The following ESCO2 variants were observed in gnomAD, a reference collection of about 807,000 sequenced individuals.
ESCO2 encodes the protein N-acetyltransferase ESCO2.
ESCO2 carries 51 observed loss-of-function variants against 61.7 expected under a neutral mutation model. That is an observed-to-expected ratio of 0.83 (90% CI 0.66 to 1.04). The LOEUF (loss-of-function observed/expected upper bound fraction) is 1.04. ESCO2 is among the 50% of genes least tolerant of loss of function. ESCO2 has a pLI of 0.00. For synonymous variants in ESCO2, 230 were observed against 238.2 expected (o/e 0.97, Z 0.32); for missense variants, 692 against 686.2 (o/e 1.01, Z -0.09).
At chr8:27,816,901 C>A (rs574174341), downstream of ESCO2, among the ~76,000 whole-genome samples, 1 of 152,062 alleles carries the variant, frequency 6.6e-6, no homozygotes, top group African/African-American at 2.4e-5. Context: ...TAAACCACCC[C>A]TTATTGGTGG....
chr8:27,784,287 A>G (rs980588676), intron 5 of ESCO2, among the ~76,000 whole-genome samples: 4 of 152,212 alleles, frequency 2.6e-5, no homozygotes, highest in Non-Finnish European at 5.9e-5. Flanking sequence ...GAGTAATAAT[A>G]ATTGCTAACA....
At chr8:27,777,224 A>G (rs1804815407) in intron 3 of ESCO2, 55 bp downstream of exon 3, 1 of 1,501,154 alleles carries the variant, frequency 6.7e-7, no homozygotes, top group East Asian at 2.4e-5. Flanking sequence ...TTCAGTATAA[A>G]TGACATAGTT....
At chr8:27,817,357 G>A (rs114697968), downstream of ESCO2, among the ~76,000 whole-genome samples, 720 of 152,004 alleles carry the variant, frequency 4.7e-3, 7 homozygotes, top group African/African-American at 0.017. Context: ...GTCTTGCTCC[G>A]GCTCAGAAAT....
intron 9 of ESCO2, 35 bp from the exon 10 acceptor site, chr8:27,799,506 G>T (rs1805375849): frequency 6.2e-7 from 1 of 1,610,784 alleles, no homozygotes; most frequent in African/African-American, 1.3e-5. Context: ...CTCATCTGTG[G>T]TGTTAGCTAT....
chr8:27,780,229 CT>C lies in ESCO2; in HGVS notation c.922del (p.Ser308LeufsTer33). 1 of 1,611,730 alleles carries C rather than the reference CT, an allele frequency of 6.2e-7. No individual in the cohort carries two copies. The highest frequency in any genetic ancestry group is 8.5e-7 in the Non-Finnish European group (1 of 1,178,538). Reference sequence around the variant, plus strand: ...GAACATAAAGTTGATAAAAATGAGGCTTTTTCTTCAGAGGATTCTCTTGGTG... The same window carrying C: ...GAACATAAAGTTGATAAAAATGAGGCTTTTCTTCAGAGGATTCTCTTGGTG... ...SKEHKVDKNEAFSSEDSLGEN... is the reference protein window; with the variant it reads ...SKEHKVDKNEXFSSEDSLGEN... On this transcript the variant is annotated frameshift_variant, in exon 4 of 11. Coordinates refer to ENST00000305188, the MANE Select transcript of ESCO2 (RefSeq NM_001017420.3). LOFTEE classifies it high-confidence loss of function.
intron 5 of ESCO2, among the ~76,000 whole-genome samples, chr8:27,787,206 A>G (rs141813853): frequency 5.7e-4 from 87 of 152,306 alleles, no homozygotes; most frequent in Admixed American, 1.8e-3. Context: ...ACCAAAACAT[A>G]TCTGCTAGCT....
chr8:27,792,105 A>G, intron 8 of ESCO2, 53 bp downstream of exon 8: 6 of 1,583,396 alleles, frequency 3.8e-6, no homozygotes, highest in Non-Finnish European at 5.2e-6. Flanking sequence ...CAAGAAATCA[A>G]CCTATGTTGA....
intron 10 of ESCO2, among the ~76,000 whole-genome samples, 156 bp from the exon 11 acceptor site, chr8:27,803,150 T>C (rs750969661): frequency 5.3e-5 from 8 of 152,202 alleles, no homozygotes; most frequent in East Asian, 1.9e-4. Context: ...ATCTGTGAAA[T>C]GATATCATTA....
At position 27,788,890 on chromosome 8, in the gene ESCO2, G is replaced by A. The variant is rs146312522; in HGVS notation, c.1175G>A (p.Cys392Tyr). Residue 392 changes from cysteine (C) to tyrosine (Y), a missense_variant, in exon 7 of 11, where the codon TGT becomes TAT. Coordinates refer to ENST00000305188, the MANE Select transcript of ESCO2 (RefSeq NM_001017420.3). ...TTTGGGGCTACTGTGTGCAAGTCTT[G>A]TGGTATGATATATACTGCTTCCAAC... is the stretch of plus-strand genomic sequence containing the variant. ...KHFGATVCKS[C>Y]GMIYTASNPE... 2 of 1,614,006 alleles carry A rather than the reference G, an allele frequency of 1.2e-6. No homozygotes were observed. Among genetic ancestry groups the A allele is most frequent in the African/African-American group, 1.3e-5 (1 of 74,906 alleles).
chr8:27,812,589 T>A, downstream of ESCO2: 1 of 135,690 alleles, frequency 7.4e-6, no homozygotes. Flanking sequence ...AGGGCTAATA[T>A]CCAGAATCTA....
downstream of ESCO2, chr8:27,809,516 TATAG>T (rs1805626886): frequency 6.6e-6 from 1 of 152,124 alleles, no homozygotes; most frequent in South Asian, 2.1e-4. Context: ...CAAAACACTT[TATAG>T]ATTAGCAAAA....
At chr8:27,815,599 AGTATATACACGTATATGT>A (rs1805795583), downstream of ESCO2, among the ~76,000 whole-genome samples, 2 of 152,224 alleles carry the variant, frequency 1.3e-5, no homozygotes, top group Admixed American at 1.3e-4. Context: ...TACACCGTTC[AGTATATACACGTATATGT>A]GTGTGTACAC....
chr8:27,778,770 G>A (rs560512599), intron 3 of ESCO2: 3 of 152,206 alleles, frequency 2.0e-5, no homozygotes, highest in South Asian at 2.1e-4. Flanking sequence ...TTCACTTTAC[G>A]GGTTTGGTAT....
rs772392422 is a variant in ESCO2, at chr8:27,776,458, T to C, written c.150T>C (p.Ser50=). The C allele has an allele frequency of 6.2e-7, 1 of 1,610,732 alleles. No homozygotes were observed. Among genetic ancestry groups the C allele is most frequent in the South Asian group, 1.1e-5 (1 of 89,878 alleles). ...SDKNEENLHC[S]QQEHFVLSAL... ...AAAATGAAGAAAACCTGCATTGCTC[T>C]CAACAAGAGCATTTTGTTTTAAGTG... Residue 50 remains serine (S), a synonymous_variant, in exon 3 of 11, where the codon TCT becomes TCC. Coordinates refer to ENST00000305188, the MANE Select transcript of ESCO2 (RefSeq NM_001017420.3).
chr8:27,797,111 TAAGAA>T (rs1433745431), intron 9 of ESCO2, among the ~76,000 whole-genome samples: 2 of 149,186 alleles, frequency 1.3e-5, no homozygotes, highest in Non-Finnish European at 3.0e-5. Flanking sequence ...CCCTATCTCT[TAAGAA>T]AGAAAAAAAA....
In ESCO2 at chr8:27,804,533, C is replaced by T; in HGVS notation, c.*1095C>T. ...GTGTAAATACACTTAAATGTTCACA[C>T]ATTTTTCTAGTGTAATTCTTGGATA... On this transcript the variant is annotated 3_prime_UTR_variant, in exon 11 of 11. Coordinates refer to ENST00000305188, the MANE Select transcript of ESCO2 (RefSeq NM_001017420.3). 3 of 985,422 alleles carry T rather than the reference C, an allele frequency of 3.0e-6. No individual in the cohort carries two copies. The highest frequency in any genetic ancestry group is 3.6e-6 in the Non-Finnish European group (3 of 829,916). The allele number at this position is 985,422 out of a possible 1,614,324, so 61.0% of individuals were successfully genotyped here.
downstream of ESCO2, among the ~76,000 whole-genome samples, chr8:27,806,941 A>G (rs546418273): frequency 3.7e-4 from 57 of 152,218 alleles, 1 homozygote; most frequent in African/African-American, 1.3e-3. Context: ...GCCATTGGGA[A>G]AAGTGTTTTA....
At chr8:27,783,971 A>T in intron 4 of ESCO2, 29 bp from the exon 5 acceptor site, 2 of 1,570,184 alleles carry the variant, frequency 1.3e-6, no homozygotes, top group Non-Finnish European at 1.8e-6. Flanking sequence ...ATTTGGTAAT[A>T]CACATTATCA....
the ESCO2 span, among the ~76,000 whole-genome samples, chr8:27,818,528 T>C: frequency 6.6e-6 from 1 of 152,214 alleles, no homozygotes; most frequent in African/African-American, 2.4e-5. Context: ...TATTTAGCTT[T>C]TAAAACATTA....
Sources: allele counts gnomAD v4.1 joint callset (sites outside exome capture counted in the v4.1 genomes callset), GRCh38; gene constraint gnomAD v4.1.1; transcripts MANE v1.5; gene names NCBI Gene and HGNC (gene_info 2026-07-23, HGNC 2026-07-21).